The following CADPS2 variants were observed in gnomAD, a reference collection of about 807,000 sequenced individuals.
CADPS2 encodes the protein calcium-dependent secretion activator 2.
In CADPS2, 93 loss-of-function variants were observed where a neutral mutation model predicts 172.5. The observed-to-expected ratio is 0.54, with a 90% CI of 0.46 to 0.64. The LOEUF (loss-of-function observed/expected upper bound fraction) is 0.64, where lower values mean the gene tolerates loss of function less well. Among genes scored for constraint, CADPS2 ranks in the 30% least tolerant of loss-of-function variants. The pLI is 0.00. For synonymous variants in CADPS2, 546 were observed against 555.2 expected, an observed-to-expected ratio of 0.98 and a Z score of 0.23; for missense variants, 1,420 against 1,565.9, an observed-to-expected ratio of 0.91 and a Z score of 1.57.
intron 19 of CADPS2, among the ~76,000 whole-genome samples, chr7:122,410,437 G>A (rs1157566844): frequency 7.1e-6 from 1 of 141,140 alleles, no homozygotes; most frequent in Admixed American, 7.5e-5. Flanking sequence ...ACAATACTTG[G>A]AAAGCCTTTT....
intron 28 of CADPS2, among the ~76,000 whole-genome samples, chr7:122,341,269 C>T (rs1375379957): frequency 6.6e-6 from 1 of 152,190 alleles, no homozygotes; most frequent in Non-Finnish European, 1.5e-5. Flanking sequence ...TGGTGGGACA[C>T]CTTGTTTTCA....
At chr7:122,629,492 A>G (rs1199263745) in intron 3 of CADPS2, among the ~76,000 whole-genome samples, 164 bp from the exon 4 acceptor site, 2 of 152,162 alleles carry the variant, frequency 1.3e-5, no homozygotes, top group Non-Finnish European at 2.9e-5. Context: ...GAGGTTGTTC[A>G]ATTAGATTGG....
At chr7:122,548,702 T>C (rs2063880127) in intron 8 of CADPS2, among the ~76,000 whole-genome samples, 1 of 152,194 alleles carries the variant, frequency 6.6e-6, no homozygotes, top group Admixed American at 6.5e-5. Flanking sequence ...AAAGTGAAAG[T>C]GCTTTCTTAT....
chr7:122,647,640 T>C (rs2078706960), intron 3 of CADPS2, among the ~76,000 whole-genome samples: 2 of 152,196 alleles, frequency 1.3e-5, no homozygotes, highest in Admixed American at 6.5e-5. Context: ...TAATTTAAGA[T>C]ATTTTGAACC....
At chr7:122,515,142 C>T (rs1386449158) in intron 8 of CADPS2, among the ~76,000 whole-genome samples, 1 of 152,152 alleles carries the variant, frequency 6.6e-6, no homozygotes, top group Non-Finnish European at 1.5e-5. Context: ...TCTTTCAGCA[C>T]ATCAGCTAAC....
intron 1 of CADPS2, among the ~76,000 whole-genome samples, chr7:122,775,768 GTTTT>G (rs1418037238): frequency 2.0e-5 from 3 of 152,024 alleles, no homozygotes; most frequent in Non-Finnish European, 4.4e-5. Flanking sequence ...TAGATTTTCA[GTTTT>G]TTTAATTAGC....
intron 3 of CADPS2, among the ~76,000 whole-genome samples, chr7:122,639,149 C>A (rs2077353225): frequency 6.6e-6 from 1 of 152,148 alleles, no homozygotes; most frequent in African/African-American, 2.4e-5. Context: ...AAAATTCAAC[C>A]AGTAATCCTC....
intron 6 of CADPS2, among the ~76,000 whole-genome samples, chr7:122,605,539 C>A (rs561921774): frequency 6.6e-6 from 1 of 152,012 alleles, no homozygotes; most frequent in East Asian, 1.9e-4. Flanking sequence ...TTTCATTGAA[C>A]TCCTTACTTT....
chr7:122,373,291 A>G (rs2041983494), intron 25 of CADPS2, among the ~76,000 whole-genome samples: 1 of 152,142 alleles, frequency 6.6e-6, no homozygotes, highest in South Asian at 2.1e-4. Flanking sequence ...TAAAATAACC[A>G]TGGTGGCTGG....
chr7:122,480,852 C>T lies in CADPS2; in HGVS notation c.1861G>A (p.Asp621Asn), dbSNP rs1586484520. Residue 621 changes from aspartate to asparagine, a missense_variant and splice_region_variant, in exon 12 of 30, where the codon GAT becomes AAT. Transcript: ENST00000449022. ...LHADAQLSGK[D>N]ADRFQKHGMD... is the part of the protein sequence containing the mutation. The stretch of plus-strand genomic sequence containing the variant: ...TTTTAAAAATCATGAAAATACTTAC[C>T]TTTACCAGCTACAGGTCAGCAAAGA... The T allele has an allele frequency of 6.6e-7, 1 of 1,518,004 alleles. No individual in the cohort carries two copies. The allele number at this position is 1,518,004 out of a possible 1,614,324, so 94.0% of individuals were successfully genotyped here.
At chr7:122,569,732 C>T (rs552306496) in intron 7 of CADPS2, among the ~76,000 whole-genome samples, 200 of 147,310 alleles carry the variant, frequency 1.4e-3, no homozygotes, top group Admixed American at 0.012. Context: ...ACGCCACATA[C>T]CTACAACTAT....
At chr7:122,699,102 T>A (rs1209168077) in intron 2 of CADPS2, 7 of 552,430 alleles carry the variant, frequency 1.3e-5, no homozygotes, top group Middle Eastern at 4.7e-4. Flanking sequence ...TAGAGAGAGG[T>A]GAAAAACTTT....
At chr7:122,660,578 T>G (rs1329181915) in intron 3 of CADPS2, among the ~76,000 whole-genome samples, 1 of 148,940 alleles carries the variant, frequency 6.7e-6, no homozygotes, top group East Asian at 2.0e-4. Context: ...ACATACCCAT[T>G]AAAAGACCAA....
chr7:122,816,052 G>T (rs13227288), intron 1 of CADPS2, among the ~76,000 whole-genome samples: 1 of 151,596 alleles, frequency 6.6e-6, no homozygotes, highest in Non-Finnish European at 1.5e-5. Context: ...TAGTTATGTT[G>T]AAATATACAA....
At chr7:122,782,161 A>G (rs1365843516) in intron 1 of CADPS2, among the ~76,000 whole-genome samples, 2 of 152,176 alleles carry the variant, frequency 1.3e-5, no homozygotes, top group Non-Finnish European at 2.9e-5. Flanking sequence ...TATTTACCTT[A>G]TATCTAGCAA....
chr7:122,730,924 G>C (rs2137505726), intron 2 of CADPS2, among the ~76,000 whole-genome samples: 1 of 151,518 alleles, frequency 6.6e-6, no homozygotes, highest in Middle Eastern at 3.4e-3. Context: ...AAAAAGGCCA[G>C]AATTAGAACA....
intron 2 of CADPS2, among the ~76,000 whole-genome samples, chr7:122,679,017 C>T (rs558892261): frequency 4.6e-5 from 7 of 152,122 alleles, no homozygotes; most frequent in South Asian, 2.1e-4. Flanking sequence ...GTAATGACTG[C>T]GTTAACTGCA....
At chr7:122,807,165 C>A (rs115176024) in intron 1 of CADPS2, among the ~76,000 whole-genome samples, 21 of 152,328 alleles carry the variant, frequency 1.4e-4, no homozygotes, top group African/African-American at 4.8e-4. Flanking sequence ...CCTACCCCAG[C>A]GGTATGCCCC....
chr7:122,723,190 T>A (rs1338014750), intron 2 of CADPS2, among the ~76,000 whole-genome samples: 1 of 152,026 alleles, frequency 6.6e-6, no homozygotes, highest in Non-Finnish European at 1.5e-5. Flanking sequence ...GGGATCTAAT[T>A]AAACTAAAGA....
Sources: gnomAD v4.1 joint callset for allele counts (sites outside exome capture counted in the v4.1 genomes callset) on GRCh38, gnomAD v4.1.1 for gene constraint, MANE v1.5 for transcripts, NCBI Gene and HGNC (gene_info 2026-07-23, HGNC 2026-07-21) for gene names.